Variants in STIL observed in about 807,000 individuals in gnomAD.
The protein encoded by STIL is STIL centriolar assembly protein, also known as SCL-interrupting locus protein.
Under a neutral mutation model 110.1 loss-of-function variants are expected in STIL, and 55 were observed. The observed-to-expected ratio is 0.50, with a 90% CI of 0.40 to 0.63. The LOEUF (loss-of-function observed/expected upper bound fraction) is 0.63. Among genes scored for constraint, STIL ranks in the 20% least tolerant of loss-of-function variants. The pLI, the probability that STIL is intolerant of heterozygous loss-of-function variation, is 0.00. For missense variants in STIL, 1,358 were observed against 1,530.0 expected (o/e 0.89, Z 1.87); for synonymous variants, 481 against 530.0 (o/e 0.91, Z 1.27).
intron 14 of STIL, among the ~76,000 whole-genome samples, chr1:47,268,958 A>G (rs1235970922): frequency 6.8e-6 from 1 of 148,112 alleles, no homozygotes; most frequent in Non-Finnish European, 1.5e-5. Flanking sequence ...TTAGCCGGGC[A>G]TGGTGGCAGG....
At chr1:47,264,220 T>C (rs1397061688) in intron 14 of STIL, among the ~76,000 whole-genome samples, 1 of 152,242 alleles carries the variant, frequency 6.6e-6, no homozygotes, top group East Asian at 1.9e-4. Flanking sequence ...AGGCATCAAC[T>C]ATGAACCAGG....
intron 3 of STIL, among the ~76,000 whole-genome samples, chr1:47,303,273 C>A (rs865794011): frequency 2.3e-4 from 35 of 152,174 alleles, no homozygotes; most frequent in African/African-American, 7.5e-4. Flanking sequence ...TTTTAAAAAA[C>A]CTAAATGAGG....
intron 16 of STIL, among the ~76,000 whole-genome samples, chr1:47,256,234 C>T (rs956864086): frequency 6.6e-6 from 1 of 152,106 alleles, no homozygotes; most frequent in East Asian, 1.9e-4. Context: ...CTGTAAGCGT[C>T]GGTGATGACC....
At chr1:47,293,769 T>A (rs1405317434) in intron 7 of STIL, among the ~76,000 whole-genome samples, 4 of 152,054 alleles carry the variant, frequency 2.6e-5, no homozygotes, top group Non-Finnish European at 5.9e-5. Flanking sequence ...TATAGATATA[T>A]ATCGAGAGAG....
At chr1:47,264,032 C>T (rs556679668) in intron 14 of STIL, among the ~76,000 whole-genome samples, 5 of 152,198 alleles carry the variant, frequency 3.3e-5, no homozygotes, top group Non-Finnish European at 5.9e-5. Context: ...GGATTACAGG[C>T]GTGAGCCACT....
At chr1:47,312,273 G>A (rs939098164) in intron 1 of STIL, among the ~76,000 whole-genome samples, 2 of 151,950 alleles carry the variant, frequency 1.3e-5, no homozygotes, top group South Asian at 2.1e-4. Flanking sequence ...GGTGGATCAC[G>A]AGGTCAGGAG....
chr1:47,290,480 C>T (rs1035585955), intron 8 of STIL, among the ~76,000 whole-genome samples: 5 of 152,066 alleles, frequency 3.3e-5, no homozygotes, highest in Admixed American at 6.5e-5. Flanking sequence ...CCGAGGCAGG[C>T]GGATCACGAG....
chr1:47,290,183 A>AT (rs1170419503), intron 8 of STIL, among the ~76,000 whole-genome samples: 1 of 152,146 alleles, frequency 6.6e-6, no homozygotes, highest in East Asian at 1.9e-4. Flanking sequence ...AATACAAGTG[A>AT]TTTTTTTACT....
intron 4 of STIL, among the ~76,000 whole-genome samples, chr1:47,302,032 A>C (rs988101875): frequency 9.9e-5 from 15 of 152,212 alleles, no homozygotes; most frequent in Admixed American, 3.3e-4. Context: ...AGCGCAAAGC[A>C]AATACAATAG....
chr1:47,265,247 A>AAAAAAAAC (rs1553170551), intron 14 of STIL, among the ~76,000 whole-genome samples: 7 of 150,458 alleles, frequency 4.7e-5, no homozygotes, highest in Non-Finnish European at 1.0e-4. Context: ...CAAAAAAAAA[A>AAAAAAAAC]AAAAAAAAAA....
intron 14 of STIL, among the ~76,000 whole-genome samples, chr1:47,266,793 C>G (rs1041995184): frequency 2.0e-5 from 3 of 152,126 alleles, no homozygotes; most frequent in South Asian, 2.1e-4. Flanking sequence ...CAGTTCTCCA[C>G]GAAACAATTA....
intron 12 of STIL, among the ~76,000 whole-genome samples, chr1:47,279,744 A>C (rs1030225681): frequency 6.6e-6 from 1 of 150,646 alleles, no homozygotes; most frequent in Non-Finnish European, 1.5e-5. Flanking sequence ...AAAAAAAAAA[A>C]ACAACAAAAA....
chr1:47,304,658 T>C (rs1174804131), intron 3 of STIL, among the ~76,000 whole-genome samples: 1 of 152,232 alleles, frequency 6.6e-6, no homozygotes, highest in African/African-American at 2.4e-5. Flanking sequence ...TCACCTCTTT[T>C]GAATTCCTAC....
rs187660565 is a variant in STIL at position 47,275,336 on chromosome 1, C to T, written c.2218-3095G>A. Among the ~76,000 whole-genome samples, 277 of 151,120 alleles carry T rather than the reference C, an allele frequency of 1.8e-3. 2 individuals carry two copies. The highest frequency in any genetic ancestry group is 6.0e-3 in the African/African-American group (249 of 41,230). On this transcript the variant is annotated intron_variant, in intron 12 of 16. Coordinates refer to ENST00000371877, the MANE Select transcript of STIL (RefSeq NM_001048166.1). The stretch of plus-strand genomic sequence containing the variant: ...AAAAAGATTTTTTTTTTGCTGGGCG[C>T]GGTGGCTCACTCCTGTAATCCCAGC...
chr1:47,308,925 G>A (rs542555017), intron 2 of STIL, among the ~76,000 whole-genome samples: 17 of 151,734 alleles, frequency 1.1e-4, no homozygotes, highest in Non-Finnish European at 2.4e-4. Flanking sequence ...GGTGGCGCAC[G>A]CCTGTAATCC....
intron 13 of STIL, among the ~76,000 whole-genome samples, chr1:47,270,251 TATATACACACACACAC>T (rs1644792057): frequency 9.2e-5 from 11 of 119,194 alleles, no homozygotes; most frequent in Non-Finnish European, 1.5e-4. Context: ...AATATATATA[TATATACACACACACAC>T]ACACACACAC....
chr1:47,291,412 T>A (rs866309761), intron 8 of STIL, among the ~76,000 whole-genome samples: 1 of 151,528 alleles, frequency 6.6e-6, no homozygotes, highest in African/African-American at 2.4e-5. Flanking sequence ...AAATTAAAAA[T>A]TAAATAAATA....
chr1:47,288,191 TAAAG>T (rs1019213117), intron 9 of STIL, among the ~76,000 whole-genome samples: 55 of 151,698 alleles, frequency 3.6e-4, no homozygotes, highest in African/African-American at 1.3e-3. Flanking sequence ...ATTTTTCTAA[TAAAG>T]AATGTACTTT....
intron 12 of STIL, 86 bp downstream of exon 12, chr1:47,280,154 TA>T: frequency 6.4e-7 from 1 of 1,560,332 alleles, no homozygotes; most frequent in Non-Finnish European, 8.8e-7. Flanking sequence ...TATACTTCTA[TA>T]AAACATCATT....
Sources: gnomAD v4.1 joint callset for allele counts (sites outside exome capture counted in the v4.1 genomes callset) on GRCh38, gnomAD v4.1.1 for gene constraint, MANE v1.5 for transcripts, NCBI Gene and HGNC (gene_info 2026-07-23, HGNC 2026-07-21) for gene names.